ERCC6: variants seen among roughly 807,000 people sequenced by gnomAD.
ERCC6 encodes the protein ERCC excision repair 6, chromatin remodeling factor, also known as DNA excision repair protein ERCC-6.
In ERCC6, 116 loss-of-function variants were observed where a neutral mutation model predicts 158.7. The observed-to-expected ratio is 0.73, with a 90% CI of 0.63 to 0.85. The LOEUF (loss-of-function observed/expected upper bound fraction) is 0.85, where lower values mean the gene tolerates loss of function less well. ERCC6 is among the 40% of genes least tolerant of loss of function. The pLI, the probability that ERCC6 is intolerant of heterozygous loss-of-function variation, is 0.00. For synonymous variants in ERCC6, 678 were observed against 659.3 expected, an observed-to-expected ratio of 1.03 and a Z score of -0.43; for missense variants, 1,698 against 1,799.4, an observed-to-expected ratio of 0.94 and a Z score of 1.02.
chr10:49,470,902 A>G lies in ERCC6; in HGVS notation c.3071-13T>C. 1 of 1,613,694 alleles carries G rather than the reference A, an allele frequency of 6.2e-7. No individual in the cohort carries two copies. Among genetic ancestry groups the G allele is most frequent in the Non-Finnish European group, 8.5e-7 (1 of 1,179,730 alleles). ...TCTGATCCAGTTCCTGTAAAGAGGA[A>G]AAACACCACTAATACTATATTGTAT... On this transcript the variant is annotated splice_polypyrimidine_tract_variant and intron_variant, in intron 17 of 20. Coordinates refer to ENST00000355832, the MANE Select transcript of ERCC6 (RefSeq NM_000124.4).
At chr10:49,516,766 CT>C in intron 5 of ERCC6, 1 of 1,614,126 alleles carries the variant, frequency 6.2e-7, no homozygotes, top group Non-Finnish European at 8.5e-7. Context: ...GTTAGGTCGG[CT>C]TTTTTCCATT....
intron 7 of ERCC6, among the ~76,000 whole-genome samples, chr10:49,499,307 A>G (rs1188819010): frequency 1.3e-5 from 2 of 152,226 alleles, no homozygotes; most frequent in Non-Finnish European, 2.9e-5. Context: ...CTAAAACTCC[A>G]AACACTCCTC....
intron 7 of ERCC6, among the ~76,000 whole-genome samples, chr10:49,500,110 T>A (rs1851332288): frequency 6.6e-6 from 1 of 152,198 alleles, no homozygotes; most frequent in Non-Finnish European, 1.5e-5. Context: ...ACTGTAATGC[T>A]CACCTGGTCT....
At chr10:49,516,859 A>C (rs749316600) in intron 5 of ERCC6, 2 of 1,614,074 alleles carry the variant, frequency 1.2e-6, no homozygotes, top group Admixed American at 3.3e-5. Flanking sequence ...TCATCAGGAG[A>C]GTCATCTTTA....
Position 49,530,752 on chromosome 10 carries a change from G to T in ERCC6, c.511C>A (p.Leu171Ile). Residue 171 changes from leucine (L) to isoleucine (I), a missense_variant, in exon 3 of 21, where the codon CTA becomes ATA. Physicochemically the swap from Leu to Ile is conservative, Grantham distance 5 (BLOSUM62 2). Coordinates refer to ENST00000355832, the MANE Select transcript of ERCC6 (RefSeq NM_000124.4). ...TACTTCTGTCGTTTTACAGAATCTA[G>T]TTTCCTGTTGATGTCTCTGCTGGTG... ...AATSRDINRK[L>I]DSVKRQKYNK... 6.2e-7 allele frequency: 1 copy of T among 1,613,666 alleles called. No individual in the cohort carries two copies. The highest frequency in any genetic ancestry group is 8.5e-7 in the Non-Finnish European group (1 of 1,179,850).
intron 1 of ERCC6, among the ~76,000 whole-genome samples, chr10:49,533,600 G>A (rs560040122): frequency 2.0e-5 from 3 of 152,096 alleles, no homozygotes; most frequent in Non-Finnish European, 2.9e-5. Flanking sequence ...TCAGGACTTC[G>A]AGACCAGCCT....
At chr10:49,514,680 T>C (rs1262943219) in intron 5 of ERCC6, among the ~76,000 whole-genome samples, 1 of 152,204 alleles carries the variant, frequency 6.6e-6, no homozygotes, top group Non-Finnish European at 1.5e-5. Flanking sequence ...TCTCTACCTA[T>C]TGCAATATCC....
downstream of ERCC6, among the ~76,000 whole-genome samples, chr10:49,450,043 G>T: frequency 6.6e-6 from 1 of 151,954 alleles, no homozygotes; most frequent in Non-Finnish European, 1.5e-5. Context: ...CAGCTAACTT[G>T]TTTTTTCTGT....
intron 7 of ERCC6, among the ~76,000 whole-genome samples, chr10:49,495,522 C>G (rs1368737185): frequency 1.3e-5 from 2 of 152,166 alleles, no homozygotes; most frequent in East Asian, 3.8e-4. Flanking sequence ...AATGCCAAAT[C>G]TAAGTCTCCA....
intron 7 of ERCC6, among the ~76,000 whole-genome samples, chr10:49,495,549 T>G (rs7922756): frequency 0.44 from 66,623 of 151,912 alleles, 15,756 homozygotes; most frequent in Non-Finnish European, 0.53. Context: ...ATCACTCTTC[T>G]GAACTCCAAA....
chr10:49,472,829 A>T, intron 15 of ERCC6, 80 bp downstream of exon 15: 1 of 1,542,968 alleles, frequency 6.5e-7, no homozygotes. Context: ...CAACCAGAAC[A>T]TCAAAGGACA....
In ERCC6 at chr10:49,476,229, T is replaced by C; in HGVS notation, c.2368A>G (p.Asn790Asp). ...TTTTAGCTGACCTGCATCTCTCCAT[T>C]GAGAATCCTGTAAACTTCTTTGGAA... is the stretch of plus-strand genomic sequence containing the variant. ...VDSKEVYRIL[N>D]GEMQIFSGLI... The change falls in exon 12 of 21, where the codon AAT becomes GAT. Residue 790 changes from asparagine (N) to aspartate (D), a missense_variant. Asn to Asp is a conservative substitution (Grantham distance 23, BLOSUM62 1). Transcript: ENST00000355832. The C allele has an allele frequency of 6.2e-7, 1 of 1,612,522 alleles. No homozygotes were observed.
Position 49,472,427 on chromosome 10 carries a change from G to C in ERCC6, c.2873C>G (p.Thr958Ser). 6.2e-7 allele frequency: 1 copy of C among 1,614,128 alleles called. No homozygotes were observed. The highest frequency in any genetic ancestry group is 8.5e-7 in the Non-Finnish European group (1 of 1,180,034). Residue 958 changes from threonine to serine, a missense_variant, in exon 16 of 21, where the codon ACT becomes AGT. Thr to Ser is a moderately conservative substitution (Grantham distance 58, BLOSUM62 1). Coordinates refer to ENST00000355832, the MANE Select transcript of ERCC6 (RefSeq NM_000124.4). ...AWRIGQKKQV[T>S]VYRLLTAGTI... ...GCCCGCAGTCAGGAGCCTGTACACA[G>C]TCACTTGCTTCTTCTGGCCTATTCT...
At chr10:49,477,201 A>C (rs1850894338) in intron 11 of ERCC6, among the ~76,000 whole-genome samples, 1 of 152,156 alleles carries the variant, frequency 6.6e-6, no homozygotes, top group African/African-American at 2.4e-5. Flanking sequence ...AATGAAAATC[A>C]AACCTGAACC....
intron 18 of ERCC6, among the ~76,000 whole-genome samples, chr10:49,465,871 C>T (rs980950686): frequency 1.3e-5 from 2 of 151,860 alleles, no homozygotes; most frequent in African/African-American, 4.8e-5. Context: ...TCTTTATCAG[C>T]AGTGTGAAAA....
chr10:49,515,093 C>T, intron 5 of ERCC6: 1 of 827,542 alleles, frequency 1.2e-6, no homozygotes, highest in African/African-American at 1.8e-5. Flanking sequence ...AGGCAATGTG[C>T]TCTCTAAGAA....
chr10:49,528,110 G>T (rs966567018), intron 4 of ERCC6, among the ~76,000 whole-genome samples: 1 of 152,206 alleles, frequency 6.6e-6, no homozygotes, highest in Non-Finnish European at 1.5e-5. Context: ...ATTTAATCAT[G>T]ATGCTAGTTG....
At position 49,456,720 on chromosome 10, in the gene ERCC6, A is replaced by G. The variant is rs1254217177; in HGVS notation, c.*2095T>C. 1 of 152,194 alleles carries G rather than the reference A, an allele frequency of 6.6e-6. No individual in the cohort carries two copies. The highest frequency in any genetic ancestry group is 2.4e-5 in the African/African-American group (1 of 41,446). 9.4% of individuals were successfully genotyped at this position (152,194 alleles called of 1,614,324 possible). A position where few individuals can be genotyped will look rare whatever the true frequency, so the allele number is the denominator to read the frequency against. ...TGTTAAATACATTAAATCTATTTAC[A>G]CTGTACAAAGCTTTTAAAGTTCTAA... On this transcript the variant is annotated 3_prime_UTR_variant, in exon 21 of 21. Transcript: ENST00000355832.
At chr10:49,447,710 AAAAAG>A in the ERCC6 span, among the ~76,000 whole-genome samples, 9 of 151,946 alleles carry the variant, frequency 5.9e-5, no homozygotes, top group East Asian at 5.8e-4. Flanking sequence ...TCAAAAAAAA[AAAAAG>A]AAAGAAAGAA....
Sources: gnomAD v4.1 joint callset for allele counts (sites outside exome capture counted in the v4.1 genomes callset) on GRCh38, gnomAD v4.1.1 for gene constraint, MANE v1.5 for transcripts, NCBI Gene and HGNC (gene_info 2026-07-23, HGNC 2026-07-21) for gene names.